The following SOCS6 variants were observed in gnomAD, a reference collection of about 807,000 sequenced individuals.
The protein encoded by SOCS6 is suppressor of cytokine signaling 6, also known as STAT induced STAT inhibitor-4.
Under a neutral mutation model 27.7 loss-of-function variants are expected in SOCS6, and 5 were observed. That is an observed-to-expected ratio of 0.18 (90% CI 0.09 to 0.38). The LOEUF (loss-of-function observed/expected upper bound fraction) is 0.38, where lower values mean the gene tolerates loss of function less well. Among genes scored for constraint, SOCS6 ranks in the 10% least tolerant of loss-of-function variants. SOCS6 has a pLI of 1.00. For synonymous variants in SOCS6, 271 were observed against 260.0 expected (o/e 1.04, Z -0.41); for missense variants, 595 against 688.1 (o/e 0.86, Z 1.51).
chr18:70,308,706 A>G (rs1254209312), intron 1 of SOCS6, among the ~76,000 whole-genome samples: 9 of 152,156 alleles, frequency 5.9e-5, no homozygotes, highest in East Asian at 3.8e-4. Flanking sequence ...GTCTCCTTTC[A>G]GTTCTCTCAG....
At chr18:70,311,434 C>T (rs2062390482) in intron 1 of SOCS6, among the ~76,000 whole-genome samples, 1 of 152,144 alleles carries the variant, frequency 6.6e-6, no homozygotes, top group Non-Finnish European at 1.5e-5. Flanking sequence ...CATCACGGAC[C>T]TGCTTTTCAT....
At chr18:70,309,309 T>A (rs1277447154) in intron 1 of SOCS6, among the ~76,000 whole-genome samples, 1 of 152,228 alleles carries the variant, frequency 6.6e-6, no homozygotes, top group Non-Finnish European at 1.5e-5. Flanking sequence ...GAATTTTGCC[T>A]GTGAACTAAA....
rs115351133 is a variant in SOCS6 at position 70,324,989 on chromosome 18, C to G, written c.321C>G (p.Ser107=). 1.9e-4 allele frequency: 304 copies of G among 1,614,174 alleles called. 2 individuals are homozygous for G. The African/African-American group carries it at 3.5e-3, about 19-fold the overall frequency. ...CCGACGAGGACACCTTCTCCTCCTC[C>G]TCAGCACCCATAGTCTTTAAAGACG... The part of the protein sequence containing the change: ...SSADEDTFSS[S]SAPIVFKDVR... The change falls in exon 2 of 2, where the codon TCC becomes TCG. Residue 107 remains serine (S), a synonymous_variant. Transcript: ENST00000397942.
chr18:70,296,906 C>CTTTTTTTTTTTTTTTTTT (rs375704179), intron 1 of SOCS6, among the ~76,000 whole-genome samples: 22 of 129,166 alleles, frequency 1.7e-4, no homozygotes, highest in East Asian at 1.1e-3. Flanking sequence ...CATTTTCTTT[C>CTTTTTTTTTTTTTTTTTT]TTTTTTTTTT....
intron 1 of SOCS6, among the ~76,000 whole-genome samples, chr18:70,302,130 G>A (rs1200699417): frequency 6.6e-6 from 1 of 152,196 alleles, no homozygotes; most frequent in Non-Finnish European, 1.5e-5. Flanking sequence ...AGCCAGTGGA[G>A]TGGGGAAATT....
intron 1 of SOCS6, among the ~76,000 whole-genome samples, chr18:70,303,935 T>G (rs1027328764): frequency 3.3e-5 from 5 of 152,226 alleles, no homozygotes; most frequent in Admixed American, 1.3e-4. Flanking sequence ...AGGGTTAATA[T>G]TTTTCCATAA....
Position 70,325,767 on chromosome 18 carries a change from A to G in SOCS6, c.1099A>G (p.Met367Val), listed in dbSNP as rs1421773693. Residue 367 changes from methionine (M) to valine (V), a missense_variant, in exon 2 of 2, where the codon ATG becomes GTG. Physicochemically the swap from Met to Val is conservative, Grantham distance 21. Around this residue, in one of 2 missense-constraint regions of SOCS6, gnomAD observed 467 missense variants for 481.1 expected, o/e 0.97. Transcript: ENST00000397942. The surrounding 1 kb of genome is among the most constrained non-coding windows in gnomAD (Gnocchi z 6.3). ...TGACTCAGTGCAAAGTAGTGGTCCC[A>G]TGGTTGTGACAAGCCTTACAGAGGA... is the stretch of plus-strand genomic sequence containing the variant. ...VYDSVQSSGPMVVTSLTEELK... is the reference protein window; with the variant it reads ...VYDSVQSSGPVVVTSLTEELK... 7 of 1,614,128 alleles carry G rather than the reference A, an allele frequency of 4.3e-6. No individual in the cohort carries two copies. In the East Asian group the frequency reaches 1.6e-4, roughly 36 times the overall value.
chr18:70,322,073 C>T (rs1911013759), intron 1 of SOCS6, among the ~76,000 whole-genome samples: 1 of 152,242 alleles, frequency 6.6e-6, no homozygotes, highest in South Asian at 2.1e-4. Flanking sequence ...AAGAAGTTAT[C>T]CTTTACCCAT....
chr18:70,312,343 C>T (rs1600160160), intron 1 of SOCS6, among the ~76,000 whole-genome samples: 1 of 151,800 alleles, frequency 6.6e-6, no homozygotes, highest in African/African-American at 2.4e-5. Flanking sequence ...TCAATTAATG[C>T]AATAAGGAAC....
chr18:70,292,580 T>C (rs1168902365), intron 1 of SOCS6, among the ~76,000 whole-genome samples: 10 of 152,194 alleles, frequency 6.6e-5, no homozygotes. Flanking sequence ...AATCACGGGC[T>C]CAAGTGATCC....
chr18:70,305,199 C>T lies in SOCS6; in HGVS notation c.-127+16109C>T, dbSNP rs180914885. On this transcript the variant is annotated intron_variant, in intron 1 of 1. Coordinates refer to ENST00000397942, the MANE Select transcript of SOCS6 (RefSeq NM_004232.4). The stretch of plus-strand genomic sequence containing the variant: ...CTCCAACCTGAGCAACAGAGCAAGA[C>T]GCCGTCTCAAAAAGAAAAAAAAAAA... 9.2e-4 allele frequency among the ~76,000 whole-genome samples: 139 copies of T among 151,648 alleles called. No homozygotes were observed. In the Middle Eastern group the frequency reaches 0.017, roughly 19 times the overall value.
chr18:70,324,678 A>C lies in SOCS6; in HGVS notation c.10A>C (p.Ile4Leu), dbSNP rs1347212921. 14 of 1,571,066 alleles carry C rather than the reference A, an allele frequency of 8.9e-6. No individual in the cohort carries two copies. The highest frequency in any genetic ancestry group is 1.2e-5 in the Non-Finnish European group (14 of 1,153,246). Residue 4 changes from isoleucine to leucine, a missense_variant, in exon 2 of 2, where the codon ATT becomes CTT. Around this residue, in one of 2 missense-constraint regions of SOCS6, gnomAD observed 467 missense variants for 481.1 expected, o/e 0.97. Coordinates refer to ENST00000397942, the MANE Select transcript of SOCS6 (RefSeq NM_004232.4). ...TAGGTAACTAGTCATAATGAAGAAA[A>C]TTAGTCTTAAAACCTTACGGAAATC... is the stretch of plus-strand genomic sequence containing the variant. Reference protein sequence around the residue: MKKISLKTLRKSFN... With the variant: MKKLSLKTLRKSFN...
chr18:70,324,953 T>G lies in SOCS6; in HGVS notation c.285T>G (p.Ser95=). The part of the protein sequence containing the change: ...QKSKGKAGTP[S]GSSADEDTFS... ...CAAAAGGCAAGGCGGGCACACCCTC[T>G]GGGAGCTCTGCCGACGAGGACACCT... Residue 95 remains serine (S), a synonymous_variant, in exon 2 of 2, where the codon TCT becomes TCG. Coordinates refer to ENST00000397942, the MANE Select transcript of SOCS6 (RefSeq NM_004232.4). The G allele has an allele frequency of 1.9e-6, 3 of 1,614,224 alleles. No individual in the cohort carries two copies. Among genetic ancestry groups the G allele is most frequent in the Non-Finnish European group, 2.5e-6 (3 of 1,180,032 alleles).
At chr18:70,310,212 G>C (rs2062384922) in intron 1 of SOCS6, among the ~76,000 whole-genome samples, 1 of 151,764 alleles carries the variant, frequency 6.6e-6, no homozygotes, top group Non-Finnish European at 1.5e-5. Flanking sequence ...CAGCTTCATA[G>C]TTACTTTTGG....
At position 70,325,384 on chromosome 18, in the gene SOCS6, G is replaced by C; in HGVS notation, c.716G>C (p.Ser239Thr). 6.2e-7 allele frequency: 1 copy of C among 1,614,196 alleles called. No homozygotes were observed. Among genetic ancestry groups the C allele is most frequent in the Non-Finnish European group, 8.5e-7 (1 of 1,180,034 alleles). ...EGMYPLEGSRSYCLDSSSPME... is the reference protein window; with the variant it reads ...EGMYPLEGSRTYCLDSSSPME... The stretch of plus-strand genomic sequence containing the variant: ...ATGTATCCTTTGGAAGGATCACGGA[G>C]CTATTGTCTGGACAGCTCTTCTCCC... The change falls in exon 2 of 2, where the codon AGC (serine) becomes ACC (threonine). Residue 239 changes from serine (S) to threonine (T), a missense_variant. Physicochemically the swap from Ser to Thr is moderately conservative, Grantham distance 58 (BLOSUM62 1). Coordinates refer to ENST00000397942, the MANE Select transcript of SOCS6 (RefSeq NM_004232.4). The surrounding 1 kb of genome is among the most constrained non-coding windows in gnomAD (Gnocchi z 6.3).
At chr18:70,310,656 G>A (rs1428881870) in intron 1 of SOCS6, among the ~76,000 whole-genome samples, 1 of 151,838 alleles carries the variant, frequency 6.6e-6, no homozygotes, top group Non-Finnish European at 1.5e-5. Flanking sequence ...GGTATATACT[G>A]CTTTTATCCC....
chr18:70,326,672 T>G lies in SOCS6; in HGVS notation c.*396T>G, dbSNP rs12967291. The G allele has an allele frequency of 5.3e-6, 1 of 187,126 alleles. No homozygotes were observed. The highest frequency in any genetic ancestry group is 1.4e-4 in the South Asian group (1 of 7,060). The allele number at this position is 187,126 out of a possible 1,614,324, so 11.6% of individuals were successfully genotyped here. ...GAATGAAACTTAACAGAATGGAAAT[T>G]GCTATGTCTTTTTAAATGGTCCATT... On this transcript the variant is annotated 3_prime_UTR_variant, in exon 2 of 2. Transcript: ENST00000397942.
intron 1 of SOCS6, among the ~76,000 whole-genome samples, chr18:70,303,559 T>C (rs1409235608): frequency 3.9e-5 from 6 of 152,190 alleles, no homozygotes; most frequent in East Asian, 1.9e-4. Flanking sequence ...TTTGGGAGGC[T>C]GAGTCAGGTG....
In SOCS6 at chr18:70,328,899, G is replaced by A. The variant is rs945728366; in HGVS notation, c.*2623G>A. 2 of 166,924 alleles carry A rather than the reference G, an allele frequency of 1.2e-5. No homozygotes were observed. Among genetic ancestry groups the A allele is most frequent in the Non-Finnish European group, 2.9e-5 (2 of 68,090 alleles). 10.3% of individuals were successfully genotyped at this position (166,924 alleles called of 1,614,324 possible). A position where few individuals can be genotyped will look rare whatever the true frequency, so the allele number is the denominator to read the frequency against. On this transcript the variant is annotated 3_prime_UTR_variant, in exon 2 of 2. Coordinates refer to ENST00000397942, the MANE Select transcript of SOCS6 (RefSeq NM_004232.4). The stretch of plus-strand genomic sequence containing the variant: ...TAGACACAATTTGGTTAAATTTTAG[G>A]ATTCTATTGGCAGTTAACATAGATG...
Sources: gnomAD v4.1 joint callset for allele counts (sites outside exome capture counted in the v4.1 genomes callset) on GRCh38, gnomAD v4.1.1 for gene constraint, gnomAD v4.1.1 regional missense constraint, Gnocchi (gnomAD v3.1) non-coding constraint, MANE v1.5 for transcripts, NCBI Gene and HGNC (gene_info 2026-07-23, HGNC 2026-07-21) for gene names.